GFRA2: variants seen among roughly 807,000 people sequenced by gnomAD.
GFRA2 encodes GDNF family receptor alpha-2.
GFRA2 carries 17 observed loss-of-function variants against 48.3 expected under a neutral mutation model. The observed-to-expected ratio is 0.35, with a 90% CI of 0.24 to 0.53. The LOEUF (loss-of-function observed/expected upper bound fraction) is 0.53, where lower values mean the gene tolerates loss of function less well. Ranked by LOEUF, GFRA2 falls within the 20% of genes least tolerant of loss-of-function variation. The pLI is 0.93. For synonymous variants in GFRA2, 305 were observed against 257.2 expected (o/e 1.19, Z -1.78); for missense variants, 660 against 637.3 (o/e 1.04, Z -0.38).
At chr8:21,786,510 T>G (rs1011251579) in intron 1 of GFRA2, among the ~76,000 whole-genome samples, 4 of 152,148 alleles carry the variant, frequency 2.6e-5, no homozygotes, top group African/African-American at 2.4e-5. Context: ...AGGTCAGATT[T>G]TATAGTAGCC....
intron 3 of GFRA2, among the ~76,000 whole-genome samples, chr8:21,759,429 G>A (rs1805766300): frequency 4.0e-5 from 4 of 98,928 alleles, no homozygotes; most frequent in African/African-American, 1.7e-4. Context: ...AGGGAAAGAG[G>A]GAAAGAGGGA....
At position 21,705,047 on chromosome 8, in the gene GFRA2, C is replaced by T. The variant is rs539645309; in HGVS notation, c.983G>A (p.Ser328Asn). Residue 328 changes from serine (S) to asparagine (N), a missense_variant, in exon 6 of 9, where the codon AGC becomes AAC. By Grantham distance (46) the Ser-to-Asn change is conservative (BLOSUM62 1). Coordinates refer to ENST00000524240, the MANE Select transcript of GFRA2 (RefSeq NM_001495.5). ...VVSPWCSCRG[S>N]GNMEEECEKF... ...CTCACACTCCTCCTCCATGTTCCCG[C>T]TGCCACGACAGCTGCACCAGGGGGA... The T allele has an allele frequency of 6.2e-7, 1 of 1,611,152 alleles. No individual in the cohort carries two copies. The highest frequency in any genetic ancestry group is 1.1e-5 in the South Asian group (1 of 90,000).
In GFRA2 at chr8:21,810,363, C is replaced by G. The variant is rs139006113; in HGVS notation, c.-148+1868G>C. Among the ~76,000 whole-genome samples the G allele has an allele frequency of 3.6e-4, 55 of 152,302 alleles. 1 individual carries two copies. The East Asian group carries it at 0.01, about 28-fold the overall frequency. On this transcript the variant is annotated intron_variant, in intron 1 of 10. Coordinates refer to the GFRA2 transcript ENST00000517328. The stretch of plus-strand genomic sequence containing the variant: ...GTCAGCCTCCTCCCTCTGCCCACCC[C>G]CCTCACTGACCTGGAGCCATAGCCC...
intron 8 of GFRA2, among the ~76,000 whole-genome samples, chr8:21,694,080 T>A (rs1169028547): frequency 7.4e-6 from 1 of 135,642 alleles, no homozygotes; most frequent in African/African-American, 2.6e-5. Flanking sequence ...TTTATTTTTA[T>A]ATATATATAT....
chr8:21,785,948 C>T (rs921584904), intron 1 of GFRA2, among the ~76,000 whole-genome samples: 11 of 151,852 alleles, frequency 7.2e-5, no homozygotes, highest in Middle Eastern at 6.8e-3. Flanking sequence ...AGGAAAAGGG[C>T]CCCAGGGCTG....
chr8:21,749,703 C>G (rs1302531333), intron 4 of GFRA2, among the ~76,000 whole-genome samples: 1 of 151,978 alleles, frequency 6.6e-6, no homozygotes, highest in East Asian at 2.0e-4. Flanking sequence ...AGCCAGCTCA[C>G]TCTGTATTCA....
intron 4 of GFRA2, among the ~76,000 whole-genome samples, chr8:21,710,387 T>C: frequency 6.6e-6 from 1 of 152,226 alleles, no homozygotes; most frequent in East Asian, 1.9e-4. Context: ...CCCTGGCGTC[T>C]GATACAGAAG....
At chr8:21,722,770 A>G (rs138449989) in intron 4 of GFRA2, among the ~76,000 whole-genome samples, 375 of 151,852 alleles carry the variant, frequency 2.5e-3, no homozygotes, top group African/African-American at 8.7e-3. Context: ...CTACCCTCCA[A>G]CTCCACAACA....
intron 4 of GFRA2, among the ~76,000 whole-genome samples, chr8:21,749,249 A>G (rs1362392142): frequency 6.6e-6 from 1 of 152,116 alleles, no homozygotes; most frequent in Admixed American, 6.5e-5. Flanking sequence ...CAAAAAAAAA[A>G]AAAAACTACC....
intron 4 of GFRA2, among the ~76,000 whole-genome samples, chr8:21,749,482 C>T (rs1805169350): frequency 6.6e-6 from 1 of 151,692 alleles, no homozygotes; most frequent in Non-Finnish European, 1.5e-5. Flanking sequence ...AAGCTAGGAC[C>T]GTCCGACTCC....
intron 4 of GFRA2, among the ~76,000 whole-genome samples, chr8:21,738,194 C>T (rs1231961388): frequency 2.4e-4 from 19 of 77,614 alleles, no homozygotes; most frequent in African/African-American, 7.8e-4. Flanking sequence ...CTCCTCCTCC[C>T]CCTCCTCCTC....
intron 4 of GFRA2, among the ~76,000 whole-genome samples, chr8:21,724,867 G>T (rs184142115): frequency 6.6e-6 from 1 of 152,188 alleles, no homozygotes; most frequent in East Asian, 1.9e-4. Flanking sequence ...CTTGATGGTG[G>T]AGGTCTCTCT....
At chr8:21,707,611 C>G (rs1802814276) in intron 4 of GFRA2, among the ~76,000 whole-genome samples, 1 of 152,320 alleles carries the variant, frequency 6.6e-6, no homozygotes, top group African/African-American at 2.4e-5. Context: ...GGGTACCAAA[C>G]CAAGAGTCAG....
chr8:21,711,182 G>A (rs1680078641), intron 4 of GFRA2, among the ~76,000 whole-genome samples: 1 of 152,188 alleles, frequency 6.6e-6, no homozygotes, highest in African/African-American at 2.4e-5. Context: ...CCAACACCAG[G>A]AGGTCACTCC....
chr8:21,784,471 GC>G (rs1365149427), intron 1 of GFRA2: 1 of 388,832 alleles, frequency 2.6e-6, no homozygotes, highest in Non-Finnish European at 5.4e-6. Flanking sequence ...CCACTCTCAG[GC>G]CATCCCCCGG....
At chr8:21,694,051 A>ATG (rs1371982483) in intron 8 of GFRA2, among the ~76,000 whole-genome samples, 1 of 124,240 alleles carries the variant, frequency 8.0e-6, no homozygotes, top group Non-Finnish European at 1.7e-5. Context: ...AGATATATAT[A>ATG]TATTTATATA....
chr8:21,738,782 G>A (rs780982216), intron 4 of GFRA2, among the ~76,000 whole-genome samples: 8 of 152,118 alleles, frequency 5.3e-5, no homozygotes, highest in Admixed American at 1.3e-4. Context: ...TGTGGGGGCC[G>A]GCCCCGCATG....
chr8:21,763,688 G>A (rs1806016778), intron 3 of GFRA2, among the ~76,000 whole-genome samples: 1 of 151,630 alleles, frequency 6.6e-6, no homozygotes, highest in African/African-American at 2.4e-5. Context: ...CTCCCTCTCT[G>A]GAATTCCCAC....
chr8:21,768,895 C>T (rs1282506556), intron 3 of GFRA2, among the ~76,000 whole-genome samples: 5 of 152,174 alleles, frequency 3.3e-5, no homozygotes, highest in African/African-American at 1.2e-4. Context: ...AGCCCCCAGG[C>T]TCAAAAGACT....
Sources: gnomAD v4.1 joint callset for allele counts (sites outside exome capture counted in the v4.1 genomes callset) on GRCh38, gnomAD v4.1.1 for gene constraint, MANE v1.5 for transcripts, NCBI Gene and HGNC (gene_info 2026-07-23, HGNC 2026-07-21) for gene names.